SHANK2: variants seen among roughly 807,000 people sequenced by gnomAD.
SHANK2 encodes the protein SH3 and multiple ankyrin repeat domains protein 2.
SHANK2 carries 43 observed loss-of-function variants against 133.7 expected under a neutral mutation model. The observed-to-expected ratio is 0.32, with a 90% CI of 0.25 to 0.41. SHANK2 has a LOEUF of 0.41. SHANK2 is among the 10% of genes least tolerant of loss of function. The pLI is 1.00. For missense variants in SHANK2, 1,994 were observed against 2,235.8 expected, an observed-to-expected ratio of 0.89 and a Z score of 2.18; for synonymous variants, 1,017 against 952.8, an observed-to-expected ratio of 1.07 and a Z score of -1.24.
chr11:70,886,021 C>T (rs188636052), intron 11 of SHANK2, among the ~76,000 whole-genome samples: 1 of 152,292 alleles, frequency 6.6e-6, no homozygotes, highest in East Asian at 1.9e-4. Flanking sequence ...AGCAAGACTC[C>T]AGAGTGGCAG....
chr11:70,886,976 GT>G (rs1377944982), intron 11 of SHANK2, among the ~76,000 whole-genome samples: 3 of 152,126 alleles, frequency 2.0e-5, no homozygotes, highest in Admixed American at 1.3e-4. Context: ...ACCTTGTTCG[GT>G]TGAGGAAGAA....
intron 8 of SHANK2, among the ~76,000 whole-genome samples, chr11:71,079,955 G>A (rs1188662828): frequency 6.8e-6 from 1 of 147,436 alleles, no homozygotes; most frequent in Admixed American, 6.8e-5. Context: ...TGGGGAAGGA[G>A]GGAAAGAAGG....
intron 8 of SHANK2, among the ~76,000 whole-genome samples, chr11:71,087,630 G>C (rs1443461515): frequency 2.0e-5 from 3 of 151,710 alleles, no homozygotes; most frequent in Non-Finnish European, 4.4e-5. Context: ...AGCTGGTTTT[G>C]TTGTTGTTGT....
At chr11:71,210,879 T>G (rs1238792990) in intron 2 of SHANK2, among the ~76,000 whole-genome samples, 2 of 152,090 alleles carry the variant, frequency 1.3e-5, no homozygotes, top group Non-Finnish European at 2.9e-5. Context: ...GAAGAGAGTG[T>G]GATGCAGCGC....
chr11:70,722,836 T>TA (rs1202654580), intron 14 of SHANK2, among the ~76,000 whole-genome samples: 1 of 152,192 alleles, frequency 6.6e-6, no homozygotes, highest in Non-Finnish European at 1.5e-5. Context: ...AAGCAGGACT[T>TA]ACGACTTATG....
chr11:71,167,043 G>A (rs1156251966), intron 2 of SHANK2, among the ~76,000 whole-genome samples: 18 of 150,510 alleles, frequency 1.2e-4, no homozygotes, highest in Non-Finnish European at 2.2e-4. Flanking sequence ...ATCTTGCACT[G>A]CCCTTAATCC....
chr11:71,170,242 A>G (rs887278659), intron 2 of SHANK2, among the ~76,000 whole-genome samples: 26 of 152,348 alleles, frequency 1.7e-4, no homozygotes, highest in African/African-American at 6.3e-4. Context: ...TAAATTTCTA[A>G]TCATTTAGAA....
intron 14 of SHANK2, among the ~76,000 whole-genome samples, chr11:70,763,170 G>A (rs1040690466): frequency 1.2e-4 from 18 of 152,202 alleles, no homozygotes; most frequent in African/African-American, 3.1e-4. Context: ...AGGATAGAGC[G>A]AAAACCAATC....
intron 15 of SHANK2, among the ~76,000 whole-genome samples, chr11:70,671,315 A>G (rs1045141756): frequency 6.6e-6 from 1 of 151,976 alleles, no homozygotes; most frequent in African/African-American, 2.4e-5. Flanking sequence ...CCGGCCTTGG[A>G]AGCTGAGCAC....
intron 17 of SHANK2, among the ~76,000 whole-genome samples, chr11:70,523,716 G>A (rs1443310809): frequency 6.6e-6 from 1 of 152,202 alleles, no homozygotes; most frequent in Non-Finnish European, 1.5e-5. Context: ...TGCTGGGGCT[G>A]GGCTGTGCAC....
rs1458761261 is a variant in SHANK2 at position 70,830,351 on chromosome 11, G to A, written c.1175-9669C>T. On this transcript the variant is annotated intron_variant, in intron 11 of 25. Coordinates refer to ENST00000601538, the MANE Select transcript of SHANK2 (RefSeq NM_012309.5). This position sits in a 1 kb window ranked among gnomAD's most constrained non-coding sequence, Gnocchi z 4.4. ...CAAATGTTCCGTGTGAGTGTTTGGG[G>A]TCCGGGCCCTCCCAGAAATCCACAC... is the stretch of plus-strand genomic sequence containing the variant. 6.6e-6 allele frequency among the ~76,000 whole-genome samples: 1 copy of A among 152,192 alleles called. No individual in the cohort carries two copies. Among genetic ancestry groups the A allele is most frequent in the Non-Finnish European group, 1.5e-5 (1 of 68,038 alleles).
rs2058795916 is a variant in SHANK2 at position 70,485,893 on chromosome 11, C to T, written c.4400G>A (p.Ser1467Asn). The T allele has an allele frequency of 6.2e-7, 1 of 1,614,032 alleles. No homozygotes were observed. The highest frequency in any genetic ancestry group is 8.5e-7 in the Non-Finnish European group (1 of 1,180,048). ...TGAGGCAGGCAGACAGTTTGAAAGA[C>T]TGGCTGGCTTCTTGCTGTCTGCAGA... ...TNSADSKKPA[S>N]LSNCLPASFL... Residue 1467 changes from serine to asparagine, a missense_variant, in exon 25 of 26, where the codon AGT (serine) becomes AAT (asparagine). Ser to Asn is a conservative substitution (Grantham distance 46). This residue lies in a region of SHANK2 where 797 missense variants were observed against 907.4 expected (regional missense o/e 0.88). Coordinates refer to ENST00000601538, the MANE Select transcript of SHANK2 (RefSeq NM_012309.5). The surrounding 1 kb of genome is among the most constrained non-coding windows in gnomAD (Gnocchi z 5.8).
At chr11:70,687,679 C>T (rs1005415389) in intron 15 of SHANK2, among the ~76,000 whole-genome samples, 1 of 152,194 alleles carries the variant, frequency 6.6e-6, no homozygotes, top group African/African-American at 2.4e-5. Context: ...ACATGACTAA[C>T]TCCTCTCCTT....
At chr11:70,720,251 C>T (rs377002634) in intron 14 of SHANK2, among the ~76,000 whole-genome samples, 31 of 152,286 alleles carry the variant, frequency 2.0e-4, no homozygotes, top group Middle Eastern at 6.8e-3. Context: ...CAAAGTGCCA[C>T]GGTCATTTCT....
chr11:71,210,209 G>GATAT (rs1954226523), intron 2 of SHANK2, among the ~76,000 whole-genome samples: 1 of 35,670 alleles, frequency 2.8e-5, no homozygotes, highest in Non-Finnish European at 5.1e-5. Flanking sequence ...GAAATCCACA[G>GATAT]GTATATATAT....
chr11:70,783,041 T>G (rs1947543624), intron 14 of SHANK2, among the ~76,000 whole-genome samples: 2 of 152,066 alleles, frequency 1.3e-5, no homozygotes, highest in African/African-American at 2.4e-5. Flanking sequence ...TAAGAAGAGA[T>G]AGCACAGTGC....
At chr11:71,109,855 C>T (rs1270690377) in intron 6 of SHANK2, 86 bp downstream of exon 6, 5 of 794,300 alleles carry the variant, frequency 6.3e-6, no homozygotes, top group African/African-American at 3.4e-5. Flanking sequence ...GTAACTGCAG[C>T]GTTATTCACA....
chr11:71,080,309 TTGCCCCAGCGA>T (rs1951280843), intron 8 of SHANK2, among the ~76,000 whole-genome samples: 3 of 152,048 alleles, frequency 2.0e-5, no homozygotes. Context: ...TCGAGACTGT[TTGCCCCAGCGA>T]TGCCTAGCGT....
intron 6 of SHANK2, among the ~76,000 whole-genome samples, chr11:71,101,515 C>T (rs1555096631): frequency 2.0e-5 from 3 of 152,248 alleles, no homozygotes. Flanking sequence ...CCAGCTCCTT[C>T]ATTGGCACTG....
Sources: allele counts gnomAD v4.1 joint callset (sites outside exome capture counted in the v4.1 genomes callset), GRCh38; gene constraint gnomAD v4.1.1; regional missense constraint gnomAD v4.1.1; non-coding constraint Gnocchi (gnomAD v3.1); transcripts MANE v1.5; gene names NCBI Gene and HGNC (gene_info 2026-07-23, HGNC 2026-07-21).